PRKD1: variants seen among roughly 807,000 people sequenced by gnomAD.
PRKD1 encodes the protein serine/threonine-protein kinase D1.
In PRKD1, 63 loss-of-function variants were observed where a neutral mutation model predicts 95.9. The ratio of observed to expected loss-of-function variants is 0.66; its 90% CI spans 0.54 to 0.81. PRKD1 has a LOEUF of 0.81. Ranked by LOEUF, PRKD1 falls within the 30% of genes least tolerant of loss-of-function variation. The pLI is 0.00. For missense variants in PRKD1, 1,048 were observed against 1,165.3 expected (o/e 0.90, Z 1.47); for synonymous variants, 425 against 423.1 (o/e 1.00, Z -0.05).
chr14:29,743,889 A>G (rs770215044), intron 1 of PRKD1, among the ~76,000 whole-genome samples: 1 of 152,194 alleles, frequency 6.6e-6, no homozygotes, highest in Non-Finnish European at 1.5e-5. Flanking sequence ...TGGATTCCAG[A>G]ATAGTGTATT....
chr14:29,759,494 T>C (rs1002356167), intron 1 of PRKD1, among the ~76,000 whole-genome samples: 5 of 152,228 alleles, frequency 3.3e-5, no homozygotes, highest in Non-Finnish European at 7.3e-5. Context: ...ATAACATTAA[T>C]ACAAAAATGT....
intron 1 of PRKD1, among the ~76,000 whole-genome samples, chr14:29,908,344 T>C (rs537347859): frequency 6.6e-6 from 1 of 152,286 alleles, no homozygotes; most frequent in South Asian, 2.1e-4. Context: ...TCGCCAGGGA[T>C]GGTGTGCAAT....
chr14:29,848,798 T>C (rs1355778092), intron 1 of PRKD1, among the ~76,000 whole-genome samples: 1 of 152,142 alleles, frequency 6.6e-6, no homozygotes, highest in Non-Finnish European at 1.5e-5. Flanking sequence ...ACGACTGTCT[T>C]AAAGATGCTC....
chr14:29,734,807 C>T (rs974582348), intron 1 of PRKD1, among the ~76,000 whole-genome samples: 5 of 152,154 alleles, frequency 3.3e-5, no homozygotes, highest in African/African-American at 9.7e-5. Flanking sequence ...TAAGTCCAAC[C>T]TTTCCATTAT....
intron 2 of PRKD1, among the ~76,000 whole-genome samples, chr14:29,704,096 G>A (rs1376355115): frequency 6.6e-6 from 1 of 152,012 alleles, no homozygotes; most frequent in Non-Finnish European, 1.5e-5. Context: ...AAAACCATTC[G>A]ACAAAGAGTT....
intron 13 of PRKD1, among the ~76,000 whole-genome samples, chr14:29,609,198 A>G (rs1279482939): frequency 6.6e-6 from 1 of 152,154 alleles, no homozygotes; most frequent in Non-Finnish European, 1.5e-5. Flanking sequence ...ACTAATTAGC[A>G]GAGATTTATC....
chr14:29,750,154 A>C (rs1433669821), intron 1 of PRKD1, among the ~76,000 whole-genome samples: 1 of 152,184 alleles, frequency 6.6e-6, no homozygotes, highest in African/African-American at 2.4e-5. Context: ...AAGAGGATCC[A>C]TTCATTCTAG....
chr14:29,897,742 T>C (rs1894184016), intron 1 of PRKD1, among the ~76,000 whole-genome samples: 1 of 152,156 alleles, frequency 6.6e-6, no homozygotes, highest in African/African-American at 2.4e-5. Context: ...ACTGACTTAC[T>C]CACTTGGCAG....
At chr14:29,629,518 A>G (rs971023418) in intron 10 of PRKD1, among the ~76,000 whole-genome samples, 1 of 152,214 alleles carries the variant, frequency 6.6e-6, no homozygotes, top group African/African-American at 2.4e-5. Flanking sequence ...ATAGGCATAT[A>G]TATTCTATTA....
intron 1 of PRKD1, among the ~76,000 whole-genome samples, chr14:29,833,663 A>G (rs1363885185): frequency 1.3e-5 from 2 of 152,106 alleles, no homozygotes; most frequent in Non-Finnish European, 2.9e-5. Flanking sequence ...GAAACATTTC[A>G]GTATAAGAAT....
At chr14:29,579,386 A>T (rs1182537960) in intron 16 of PRKD1, among the ~76,000 whole-genome samples, 7 of 152,090 alleles carry the variant, frequency 4.6e-5, no homozygotes, top group Admixed American at 4.6e-4. Context: ...CAAAGAGTTA[A>T]TTTTTGCCCT....
chr14:29,600,334 G>A (rs1658814830), intron 13 of PRKD1, among the ~76,000 whole-genome samples: 1 of 152,066 alleles, frequency 6.6e-6, no homozygotes, highest in Admixed American at 6.6e-5. Context: ...TATACTAAGT[G>A]AAGATCATAA....
chr14:29,860,396 CA>C (rs761376329), intron 1 of PRKD1, among the ~76,000 whole-genome samples: 4 of 152,118 alleles, frequency 2.6e-5, no homozygotes, highest in Non-Finnish European at 5.9e-5. Context: ...TAATGTAAGG[CA>C]AGATAGGTGA....
At chr14:29,767,638 G>A (rs530180481) in intron 1 of PRKD1, among the ~76,000 whole-genome samples, 2 of 152,064 alleles carry the variant, frequency 1.3e-5, no homozygotes, top group Non-Finnish European at 2.9e-5. Context: ...AAACTAAAAT[G>A]TTCAAACTGA....
chr14:29,787,304 G>A (rs1000292480), intron 1 of PRKD1, among the ~76,000 whole-genome samples: 1 of 145,264 alleles, frequency 6.9e-6, no homozygotes, highest in Non-Finnish European at 1.5e-5. Flanking sequence ...GTATTCTTCA[G>A]CTACTGGATG....
intron 4 of PRKD1, among the ~76,000 whole-genome samples, chr14:29,655,753 T>C (rs1462442316): frequency 6.6e-6 from 1 of 152,018 alleles, no homozygotes; most frequent in Admixed American, 6.6e-5. Flanking sequence ...CCATATATAA[T>C]TTCTGTCTGG....
intron 1 of PRKD1, among the ~76,000 whole-genome samples, chr14:29,891,209 T>A (rs1399846421): frequency 6.6e-6 from 1 of 152,132 alleles, no homozygotes; most frequent in East Asian, 1.9e-4. Context: ...GTAGTATAAT[T>A]TTCACTGATG....
chr14:29,616,323 A>C (rs373572371), intron 13 of PRKD1, among the ~76,000 whole-genome samples: 1 of 149,862 alleles, frequency 6.7e-6, no homozygotes, highest in African/African-American at 2.4e-5. Context: ...GACAAGAGGG[A>C]AATTTATAAA....
At chr14:29,781,845 G>C (rs1456406751) in intron 1 of PRKD1, among the ~76,000 whole-genome samples, 2 of 152,188 alleles carry the variant, frequency 1.3e-5, no homozygotes, top group African/African-American at 4.8e-5. Context: ...TCCCTAAAGA[G>C]TATTTAAACG....
Sources: gnomAD v4.1 joint callset for allele counts (sites outside exome capture counted in the v4.1 genomes callset) on GRCh38, gnomAD v4.1.1 for gene constraint, MANE v1.5 for transcripts, NCBI Gene and HGNC (gene_info 2026-07-23, HGNC 2026-07-21) for gene names.